OSBPL10: variants seen among roughly 807,000 people sequenced by gnomAD.
OSBPL10 encodes the protein oxysterol binding protein like 10, also known as oxysterol-binding protein-related protein 10.
A neutral mutation model predicts 81.7 loss-of-function variants in OSBPL10; 49 were observed. The ratio of observed to expected loss-of-function variants is 0.60; its 90% CI spans 0.48 to 0.76. The LOEUF is 0.76. OSBPL10 is among the 30% of genes least tolerant of loss of function. OSBPL10 has a pLI of 0.00. For missense variants in OSBPL10, 923 were observed against 987.8 expected (o/e 0.93, Z 0.88); for synonymous variants, 419 against 383.6 (o/e 1.09, Z -1.08).
intron 1 of OSBPL10, among the ~76,000 whole-genome samples, chr3:31,966,153 A>ATGTGTGTG (rs59737552): frequency 2.5e-4 from 34 of 134,894 alleles, no homozygotes; most frequent in African/African-American, 5.5e-4. Flanking sequence ...CAACAAAATT[A>ATGTGTGTG]TGTGTGTGTG....
At chr3:31,772,731 C>T (rs1350770836) in intron 4 of OSBPL10, among the ~76,000 whole-genome samples, 1 of 152,174 alleles carries the variant, frequency 6.6e-6, no homozygotes, top group Non-Finnish European at 1.5e-5. Context: ...ACAGTTTTCA[C>T]CATTCTGTGT....
chr3:31,757,099 T>G lies in OSBPL10; in HGVS notation c.730-8979A>C, dbSNP rs530880435. 2.2e-4 allele frequency among the ~76,000 whole-genome samples: 34 copies of G among 152,250 alleles called. 2 individuals are homozygous for G. The East Asian group carries it at 5.0e-3, about 23-fold the overall frequency. ...TTGTTTAACCAAATAAACATGAGGG[T>G]TTTTCCGTGAAAATTAAATAAAATA... On this transcript the variant is annotated intron_variant, in intron 4 of 11. Transcript: ENST00000396556.
chr3:32,030,306 T>C (rs1699455721), intron 2 of OSBPL10: 4 of 453,256 alleles, frequency 8.8e-6, no homozygotes, highest in South Asian at 1.9e-5. Flanking sequence ...ATAAGAAAGG[T>C]GATACTGTGG....
chr3:31,792,827 G>A (rs947342414), intron 4 of OSBPL10, among the ~76,000 whole-genome samples: 2 of 138,444 alleles, frequency 1.4e-5, no homozygotes, highest in Non-Finnish European at 3.1e-5. Flanking sequence ...GGTGTGTGGG[G>A]GTGCGTTTTG....
chr3:31,982,725 C>G (rs1698875183), upstream of OSBPL10, among the ~76,000 whole-genome samples: 1 of 152,068 alleles, frequency 6.6e-6, no homozygotes, highest in Non-Finnish European at 1.5e-5. Flanking sequence ...TAACCTATGA[C>G]CTTGATCAAA....
At chr3:32,066,201 G>T (rs1699779774) in intron 1 of OSBPL10, among the ~76,000 whole-genome samples, 1 of 79,380 alleles carries the variant, frequency 1.3e-5, no homozygotes, top group Non-Finnish European at 3.4e-5. Context: ...AGGAAGGAAG[G>T]AAGGAAGGAA....
Position 31,830,027 on chromosome 3 carries a change from G to C in OSBPL10, c.729+13C>G. The C allele has an allele frequency of 6.2e-7, 1 of 1,608,050 alleles. No homozygotes were observed. The highest frequency in any genetic ancestry group is 1.7e-5 in the Admixed American group (1 of 59,590). Reference sequence around the variant, plus strand: ...CCCGGGGCTGCTTAACCTAGTAGGAGAGCAAAGCCTACCTCTCTGACTTCG... The same window carrying C: ...CCCGGGGCTGCTTAACCTAGTAGGACAGCAAAGCCTACCTCTCTGACTTCG... On this transcript the variant is annotated intron_variant, in intron 4 of 11. Coordinates refer to ENST00000396556, the MANE Select transcript of OSBPL10 (RefSeq NM_017784.5).
At chr3:31,802,968 C>CTTT (rs376218656) in intron 4 of OSBPL10, among the ~76,000 whole-genome samples, 67 of 130,002 alleles carry the variant, frequency 5.2e-4, no homozygotes, top group African/African-American at 2.0e-3. Flanking sequence ...GTATTGGGTC[C>CTTT]TTTTTTTTTT....
intron 1 of OSBPL10, among the ~76,000 whole-genome samples, chr3:31,952,521 C>T (rs898202961): frequency 2.0e-5 from 3 of 152,176 alleles, no homozygotes; most frequent in Admixed American, 6.5e-5. Context: ...GGGCAGGAAC[C>T]CATCTACAAT....
intron 3 of OSBPL10, among the ~76,000 whole-genome samples, chr3:31,859,612 T>C (rs983582275): frequency 6.6e-6 from 1 of 152,242 alleles, no homozygotes; most frequent in Admixed American, 6.5e-5. Context: ...TTTCACTTTC[T>C]GCCATGGGAT....
At chr3:31,708,285 A>G (rs1249301968) in intron 6 of OSBPL10, among the ~76,000 whole-genome samples, 1 of 152,178 alleles carries the variant, frequency 6.6e-6, no homozygotes, top group Non-Finnish European at 1.5e-5. Flanking sequence ...CAGAATCCAT[A>G]AAACCAAGGA....
chr3:31,732,978 G>A (rs962923625), intron 6 of OSBPL10: 8 of 469,822 alleles, frequency 1.7e-5, no homozygotes, highest in East Asian at 4.4e-5. Context: ...GGGTCTGTTC[G>A]AATTTCTCCC....
intron 1 of OSBPL10, among the ~76,000 whole-genome samples, chr3:31,946,678 C>A (rs777098803): frequency 2.0e-5 from 3 of 152,130 alleles, no homozygotes; most frequent in Admixed American, 6.6e-5. Context: ...GGCATCTGCC[C>A]GGCTAAGGAG....
At chr3:31,910,001 T>A (rs1026535768) in intron 1 of OSBPL10, among the ~76,000 whole-genome samples, 24 of 137,574 alleles carry the variant, frequency 1.7e-4, no homozygotes, top group African/African-American at 6.9e-4. Flanking sequence ...TTTTTTTTTT[T>A]AGATGGAACC....
intron 2 of OSBPL10, chr3:32,046,413 T>C (rs903115595): frequency 5.3e-5 from 8 of 152,362 alleles, no homozygotes; most frequent in African/African-American, 1.9e-4. Context: ...TGTACCTTTC[T>C]TTGTCAAATC....
In OSBPL10 at chr3:31,766,321, GTTTT is replaced by G. The variant is rs372182366; in HGVS notation, c.730-18205_730-18202del. Among the ~76,000 whole-genome samples, 50 of 68,638 alleles carry G rather than the reference GTTTT, an allele frequency of 7.3e-4. 1 individual carries two copies. The highest frequency in any genetic ancestry group is 1.7e-3 in the African/African-American group (39 of 23,114). The allele number at this position is 68,638 out of a possible 152,430, so 45.0% of individuals were successfully genotyped here. ...GCTCTGTGATGTTTGGCCCAATGTA[GTTTT>G]TTTGTTTTTTTGTTTTTTTTTGTTT... On this transcript the variant is annotated intron_variant, in intron 4 of 11. Transcript: ENST00000396556.
intron 2 of OSBPL10, among the ~76,000 whole-genome samples, chr3:32,039,658 C>CA (rs1240590995): frequency 9.1e-5 from 13 of 143,430 alleles, no homozygotes; most frequent in East Asian, 2.1e-4. Flanking sequence ...GACTCTGTCT[C>CA]AAAAAAAAAG....
chr3:31,905,344 G>GTTTTTTTTTTTTTTTTTTTTT (rs1575608407), intron 1 of OSBPL10, among the ~76,000 whole-genome samples: 1 of 70,710 alleles, frequency 1.4e-5, no homozygotes, highest in African/African-American at 5.9e-5. Context: ...GGAACCTGGT[G>GTTTTTTTTTTTTTTTTTTTTT]ATTTTTTTTT....
At chr3:31,900,210 T>C (rs80117016) in intron 1 of OSBPL10, among the ~76,000 whole-genome samples, 1 of 146,878 alleles carries the variant, frequency 6.8e-6, no homozygotes, top group East Asian at 2.0e-4. Flanking sequence ...GTTTTGTTTT[T>C]TTGTTTTTCA....
Sources: gnomAD v4.1 joint callset for allele counts (sites outside exome capture counted in the v4.1 genomes callset) on GRCh38, gnomAD v4.1.1 for gene constraint, MANE v1.5 for transcripts, NCBI Gene and HGNC (gene_info 2026-07-23, HGNC 2026-07-21) for gene names.